The following SLC5A12 variants were observed in gnomAD, a reference collection of about 807,000 sequenced individuals.
SLC5A12 encodes the protein solute carrier family 5 member 12, also known as sodium-coupled monocarboxylate transporter 2.
Under a neutral mutation model 72.7 loss-of-function variants are expected in SLC5A12, and 46 were observed. The ratio of observed to expected loss-of-function variants is 0.63; its 90% CI spans 0.50 to 0.81. The LOEUF (loss-of-function observed/expected upper bound fraction) is 0.81. Ranked by LOEUF, SLC5A12 falls within the 30% of genes least tolerant of loss-of-function variation. The probability of loss-of-function intolerance (pLI) is 0.00; values close to 1 mark genes in which losing one functional copy is unlikely to be tolerated. For missense variants in SLC5A12, 683 were observed against 740.7 expected, an observed-to-expected ratio of 0.92 and a Z score of 0.90; for synonymous variants, 275 against 264.4, an observed-to-expected ratio of 1.04 and a Z score of -0.39.
At chr11:26,693,848 T>C (rs187458864) in intron 8 of SLC5A12, among the ~76,000 whole-genome samples, 1 of 152,034 alleles carries the variant, frequency 6.6e-6, no homozygotes, top group Admixed American at 6.6e-5. Context: ...GCTTGGGGGG[T>C]ACTATTCTTA....
At chr11:26,685,088 G>A (rs1854497946) in intron 10 of SLC5A12, among the ~76,000 whole-genome samples, 1 of 152,168 alleles carries the variant, frequency 6.6e-6, no homozygotes, top group Admixed American at 6.5e-5. Context: ...GTTCTTTTAT[G>A]TAGACAGGTG....
At position 26,709,316 on chromosome 11, in the gene SLC5A12, G is replaced by A; in HGVS notation, c.521C>T (p.Thr174Ile). The change falls in exon 4 of 15, where the codon ACC (threonine) becomes ATC (isoleucine). Residue 174 changes from threonine to isoleucine, a missense_variant. Physicochemically the swap from Thr to Ile is moderately conservative, Grantham distance 89 (BLOSUM62 -1). Transcript: ENST00000396005. ...ATGIVCTFYC[T>I]LGGLKAVVWT... Reference sequence around the variant, plus strand: ...TCTTCACAGCTAGATACATACCAGGGTACAGTAGAATGTGCAAACAATTCC... The same window carrying A: ...TCTTCACAGCTAGATACATACCAGGATACAGTAGAATGTGCAAACAATTCC... The A allele has an allele frequency of 6.2e-7, 1 of 1,609,982 alleles. No individual in the cohort carries two copies. Among genetic ancestry groups the A allele is most frequent in the Non-Finnish European group, 8.5e-7 (1 of 1,177,410 alleles).
chr11:26,710,612 T>C lies in SLC5A12; in HGVS notation c.457+695A>G, dbSNP rs938791367. ...CTAATTACCAGTGATCTTTGACTTC[T>C]AACAATCCATGCTTTTTTATTCCTG... On this transcript the variant is annotated intron_variant, in intron 3 of 14. Transcript: ENST00000396005. Among the ~76,000 whole-genome samples the C allele has an allele frequency of 2.0e-5, 3 of 152,124 alleles. No homozygotes were observed. In the East Asian group the frequency reaches 5.8e-4, roughly 29 times the overall value.
At chr11:26,693,921 C>T (rs1854745407) in intron 8 of SLC5A12, among the ~76,000 whole-genome samples, 1 of 152,214 alleles carries the variant, frequency 6.6e-6, no homozygotes, top group South Asian at 2.1e-4. Flanking sequence ...TCTGGAGCTC[C>T]ATAAAAGTTA....
chr11:26,721,522 C>T lies in SLC5A12; in HGVS notation c.193G>A (p.Val65Ile), dbSNP rs532713701. 11 of 1,614,138 alleles carry T rather than the reference C, an allele frequency of 6.8e-6. No individual in the cohort carries two copies. In the East Asian group the frequency reaches 2.2e-4, roughly 33 times the overall value. The change falls in exon 1 of 15, where the codon GTC (valine) becomes ATC (isoleucine). Residue 65 changes from valine (V) to isoleucine (I), a missense_variant. Coordinates refer to ENST00000396005, the MANE Select transcript of SLC5A12 (RefSeq NM_178498.4). ...LSLTASFMSA[V>I]TVLGTPSEVY... ...TCAGAAGGGGTCCCCAGGACCGTGA[C>T]AGCTGACATGAAGCTGGCTGTCAGA... is the stretch of plus-strand genomic sequence containing the variant.
rs774345335 is a variant in SLC5A12, at chr11:26,703,666, T to C, written c.686A>G (p.Asp229Gly). Residue 229 changes from aspartate to glycine, a missense_variant, in exon 6 of 15, where the codon GAT becomes GGT. Asp to Gly is a moderately conservative substitution (Grantham distance 94). Transcript: ENST00000396005. ...NGSRLHIFDF[D>G]VDPLRRHTFW... ...AGTGTGTCGCCTGAGAGGATCTACA[T>C]CAAAGCTATGAGACAGAGAGAAATG... The C allele has an allele frequency of 6.2e-7, 1 of 1,613,774 alleles. No individual in the cohort carries two copies. Among genetic ancestry groups the C allele is most frequent in the East Asian group, 2.2e-5 (1 of 44,862 alleles).
intron 4 of SLC5A12, 41 bp from the exon 5 acceptor site, chr11:26,703,988 T>C: frequency 1.9e-6 from 3 of 1,609,090 alleles, no homozygotes; most frequent in African/African-American, 2.7e-5. Context: ...AAACAAACCC[T>C]GTAACTGTAC....
chr11:26,692,653 AC>A, intron 8 of SLC5A12, 52 bp from the exon 9 acceptor site: 1 of 1,305,470 alleles, frequency 7.7e-7, no homozygotes, highest in Non-Finnish European at 1.1e-6. Context: ...AGGCGGAGCT[AC>A]CAGCCTGCCC....
intron 8 of SLC5A12, 84 bp downstream of exon 8, chr11:26,697,080 G>A (rs1003126137): frequency 1.5e-5 from 17 of 1,156,690 alleles, no homozygotes; most frequent in Admixed American, 5.9e-5. Context: ...CACAGTGAGT[G>A]CTTGCTAAAT....
intron 13 of SLC5A12, among the ~76,000 whole-genome samples, chr11:26,675,009 C>T (rs1854233882): frequency 6.6e-6 from 1 of 152,138 alleles, no homozygotes; most frequent in African/African-American, 2.4e-5. Flanking sequence ...TGTAACGCTC[C>T]ATTTGCCTTA....
At chr11:26,722,324 G>A (rs1217548622), upstream of SLC5A12, among the ~76,000 whole-genome samples, 4 of 152,140 alleles carry the variant, frequency 2.6e-5, no homozygotes, top group African/African-American at 4.8e-5. Context: ...ACCTTTGCTC[G>A]AGTCCTGGCT....
chr11:26,685,341 G>A (rs1854503655), intron 10 of SLC5A12, among the ~76,000 whole-genome samples: 1 of 152,094 alleles, frequency 6.6e-6, no homozygotes, highest in Non-Finnish European at 1.5e-5. Flanking sequence ...ATTACAAAAG[G>A]CCAGGCGTAG....
At chr11:26,672,559 T>C (rs1216415545) in intron 14 of SLC5A12, among the ~76,000 whole-genome samples, 2 of 152,094 alleles carry the variant, frequency 1.3e-5, no homozygotes, top group East Asian at 3.9e-4. Context: ...CTGCTTCCCA[T>C]AGACCCCTTT....
chr11:26,702,756 T>G (rs890891222), intron 6 of SLC5A12, among the ~76,000 whole-genome samples: 13 of 152,102 alleles, frequency 8.5e-5, no homozygotes, highest in Non-Finnish European at 1.5e-5. Flanking sequence ...TTTTTTAACC[T>G]CTCCTTGGAA....
chr11:26,702,801 A>G (rs1037110669), intron 6 of SLC5A12, among the ~76,000 whole-genome samples: 7 of 152,194 alleles, frequency 4.6e-5, no homozygotes, highest in African/African-American at 1.7e-4. Context: ...AAGTGAGCTT[A>G]ACCTTTGCAA....
chr11:26,677,721 C>T (rs1164144478), intron 13 of SLC5A12, among the ~76,000 whole-genome samples: 2 of 152,162 alleles, frequency 1.3e-5, no homozygotes, highest in Non-Finnish European at 2.9e-5. Flanking sequence ...TGGCTAGTGA[C>T]ATCATGCACA....
rs762836405 is a variant in SLC5A12 at position 26,671,188 on chromosome 11, T to C, written c.1771A>G (p.Arg591Gly). ...GGAACATGTACCAGGCTTTCTCTTC[T>C]GAGTCCGTTCTGTAAGACAGATTCA... ...GAESVLQNGL[R>G]RESLVHVPGY... Residue 591 changes from arginine (R) to glycine (G), a missense_variant, in exon 15 of 15, where the codon AGA becomes GGA. Transcript: ENST00000396005. 5.0e-6 allele frequency: 8 copies of C among 1,612,360 alleles called. No individual in the cohort carries two copies. The highest frequency in any genetic ancestry group is 1.3e-5 in the African/African-American group (1 of 74,778).
rs2133118932 is a variant in SLC5A12 at position 26,667,468 on chromosome 11, A to T, written c.*3634T>A. 1 of 152,098 alleles carries T rather than the reference A, an allele frequency of 6.6e-6. No homozygotes were observed. The highest frequency in any genetic ancestry group is 1.9e-4 in the East Asian group (1 of 5,176). 9.4% of individuals were successfully genotyped at this position (152,098 alleles called of 1,614,324 possible). A position where few individuals can be genotyped will look rare whatever the true frequency, so the allele number is the denominator to read the frequency against. ...AGAATGAAATGGTGTAACCCTATAAAGCCACAAAATAGTAAAGTTCATTTT... is the reference window on the plus strand; with the variant it reads ...AGAATGAAATGGTGTAACCCTATAATGCCACAAAATAGTAAAGTTCATTTT... On this transcript the variant is annotated 3_prime_UTR_variant, in exon 15 of 15. Transcript: ENST00000396005.
At chr11:26,703,427 C>CAT in intron 6 of SLC5A12, 104 bp downstream of exon 6, 3 of 1,090,996 alleles carry the variant, frequency 2.7e-6, no homozygotes, top group Non-Finnish European at 3.9e-6. Flanking sequence ...CACATACATA[C>CAT]ACACACACAC....
Sources: allele counts gnomAD v4.1 joint callset (sites outside exome capture counted in the v4.1 genomes callset), GRCh38; gene constraint gnomAD v4.1.1; transcripts MANE v1.5; gene names NCBI Gene and HGNC (gene_info 2026-07-23, HGNC 2026-07-21).